The following AGBL4 variants were observed in gnomAD, a reference collection of about 807,000 sequenced individuals.
AGBL4 encodes the protein AGBL carboxypeptidase 4.
A neutral mutation model predicts 66.4 loss-of-function variants in AGBL4; 58 were observed. The observed-to-expected ratio is 0.87, with a 90% CI of 0.71 to 1.09. The LOEUF (loss-of-function observed/expected upper bound fraction) is 1.09. Ranked by LOEUF, AGBL4 falls within the 50% of genes least tolerant of loss-of-function variation. The pLI is 0.00. For synonymous variants in AGBL4, 234 were observed against 222.9 expected, an observed-to-expected ratio of 1.05 and a Z score of -0.44; for missense variants, 579 against 631.0, an observed-to-expected ratio of 0.92 and a Z score of 0.88.
intron 9 of AGBL4, among the ~76,000 whole-genome samples, chr1:48,616,896 T>C (rs1557830996): frequency 6.6e-6 from 1 of 152,228 alleles, no homozygotes; most frequent in Non-Finnish European, 1.5e-5. Context: ...CTTGTGGCAT[T>C]TAGACACACC....
chr1:48,534,434 A>C, intron 13 of AGBL4, 141 bp from the exon 14 acceptor site: 1 of 1,201,034 alleles, frequency 8.3e-7, no homozygotes, highest in Non-Finnish European at 1.1e-6. Flanking sequence ...ACAGACACTA[A>C]AGGTGACAAA....
chr1:49,066,733 A>G (rs1172716031), intron 4 of AGBL4, among the ~76,000 whole-genome samples: 2 of 152,216 alleles, frequency 1.3e-5, no homozygotes, highest in Non-Finnish European at 2.9e-5. Flanking sequence ...GAATGTAGCT[A>G]TACCAGGATC....
At chr1:48,822,837 T>G (rs1353804046) in intron 6 of AGBL4, among the ~76,000 whole-genome samples, 1 of 152,230 alleles carries the variant, frequency 6.6e-6, no homozygotes, top group Non-Finnish European at 1.5e-5. Context: ...GAACTCTGAC[T>G]AATAAATATA....
chr1:49,951,023 T>A (rs1656112945), intron 1 of AGBL4, among the ~76,000 whole-genome samples: 1 of 151,358 alleles, frequency 6.6e-6, no homozygotes, highest in Non-Finnish European at 1.5e-5. Flanking sequence ...ATATGTAGAA[T>A]CAGAAAAACT....
At chr1:49,854,584 C>T (rs1646387825) in intron 1 of AGBL4, among the ~76,000 whole-genome samples, 1 of 152,046 alleles carries the variant, frequency 6.6e-6, no homozygotes, top group African/African-American at 2.4e-5. Flanking sequence ...AACTAATCCC[C>T]CATCAGACTA....
chr1:49,051,450 G>C (rs1229230995), intron 4 of AGBL4, among the ~76,000 whole-genome samples: 1 of 152,120 alleles, frequency 6.6e-6, no homozygotes, highest in East Asian at 1.9e-4. Context: ...CATCTACTCA[G>C]GGGCTGAAAG....
intron 2 of AGBL4, among the ~76,000 whole-genome samples, chr1:49,716,093 T>C (rs1048260682): frequency 6.6e-6 from 1 of 152,192 alleles, no homozygotes; most frequent in Non-Finnish European, 1.5e-5. Flanking sequence ...AGGTCTTATG[T>C]TGAAGTCTTT....
intron 4 of AGBL4, among the ~76,000 whole-genome samples, chr1:49,143,244 G>A (rs1252664071): frequency 6.6e-6 from 1 of 152,154 alleles, no homozygotes; most frequent in Non-Finnish European, 1.5e-5. Context: ...CAAACTGTTA[G>A]TTCTGGGCAC....
At chr1:49,923,019 T>G (rs1342804812) in intron 1 of AGBL4, among the ~76,000 whole-genome samples, 1 of 152,174 alleles carries the variant, frequency 6.6e-6, no homozygotes, top group Non-Finnish European at 1.5e-5. Context: ...AAGACAATCC[T>G]AAGCAAAAAC....
At chr1:48,847,012 C>T (rs559542199) in intron 6 of AGBL4, among the ~76,000 whole-genome samples, 13 of 152,066 alleles carry the variant, frequency 8.5e-5, no homozygotes, top group South Asian at 2.1e-4. Context: ...AACAAAAAAA[C>T]GAACTTGGCT....
chr1:49,615,548 T>G (rs1030414591), intron 3 of AGBL4, among the ~76,000 whole-genome samples: 5 of 152,138 alleles, frequency 3.3e-5, no homozygotes, highest in African/African-American at 9.7e-5. Flanking sequence ...TTGTAGTTAA[T>G]TCCTGATGTT....
In AGBL4 at chr1:49,192,365, C is replaced by T. The variant is rs185913459; in HGVS notation, c.377+53405G>A. 1.5e-3 allele frequency among the ~76,000 whole-genome samples: 234 copies of T among 152,302 alleles called. 1 individual carries two copies. The highest frequency in any genetic ancestry group is 5.2e-3 in the African/African-American group (218 of 41,560). On this transcript the variant is annotated intron_variant, in intron 4 of 13. Coordinates refer to ENST00000371839, the MANE Select transcript of AGBL4 (RefSeq NM_032785.4). ...CCAAGCTGGAGTGCAATGGCACCATCTTGGCTCACTGCCACCTCTGCCTCC... is the reference window on the plus strand; with the variant it reads ...CCAAGCTGGAGTGCAATGGCACCATTTTGGCTCACTGCCACCTCTGCCTCC...
At chr1:49,915,422 A>C (rs1223588397) in intron 1 of AGBL4, among the ~76,000 whole-genome samples, 3 of 152,188 alleles carry the variant, frequency 2.0e-5, no homozygotes, top group African/African-American at 7.2e-5. Flanking sequence ...AACAAACGGC[A>C]CACCAAGAGA....
intron 3 of AGBL4, among the ~76,000 whole-genome samples, chr1:49,445,699 G>A (rs1225858471): frequency 2.0e-5 from 3 of 151,802 alleles, no homozygotes; most frequent in African/African-American, 7.3e-5. Flanking sequence ...TTCTGTTCCA[G>A]AATTTCTATT....
In AGBL4 at chr1:49,329,634, C is replaced by A. The variant is rs147668412; in HGVS notation, c.283-83770G>T. ...TGAGTCGAGATTGCACCACTGCACT[C>A]CAGCCTAGGTAACATAGTGAGACCC... On this transcript the variant is annotated intron_variant, in intron 3 of 13. Transcript: ENST00000371839. Among the ~76,000 whole-genome samples, 101 of 152,116 alleles carry A rather than the reference C, an allele frequency of 6.6e-4. 3 individuals are homozygous for A. The South Asian group carries it at 0.011, about 16-fold the overall frequency.
At chr1:48,602,909 G>A (rs548324035) in intron 9 of AGBL4, among the ~76,000 whole-genome samples, 1 of 152,142 alleles carries the variant, frequency 6.6e-6, no homozygotes. Flanking sequence ...AGGCAGACAA[G>A]GGAACAGTTT....
At chr1:49,575,646 G>A (rs115807018) in intron 3 of AGBL4, among the ~76,000 whole-genome samples, 293 of 152,260 alleles carry the variant, frequency 1.9e-3, no homozygotes, top group Non-Finnish European at 3.3e-3. Context: ...ACCAAGTGGC[G>A]ACTCCAATTG....
At chr1:49,491,477 G>A (rs1647183297) in intron 3 of AGBL4, among the ~76,000 whole-genome samples, 1 of 151,828 alleles carries the variant, frequency 6.6e-6, no homozygotes, top group South Asian at 2.1e-4. Flanking sequence ...AAGCTGCATT[G>A]ACTTTGAAAT....
chr1:48,628,695 C>T (rs960725250), intron 9 of AGBL4, among the ~76,000 whole-genome samples: 1 of 152,066 alleles, frequency 6.6e-6, no homozygotes, highest in Non-Finnish European at 1.5e-5. Flanking sequence ...TCAGATTTTC[C>T]TGGAATGCCC....
Sources: gnomAD v4.1 joint callset for allele counts (sites outside exome capture counted in the v4.1 genomes callset) on GRCh38, gnomAD v4.1.1 for gene constraint, MANE v1.5 for transcripts, NCBI Gene and HGNC (gene_info 2026-07-23, HGNC 2026-07-21) for gene names.